Variants in DLG2 observed in about 807,000 individuals in gnomAD.
DLG2 encodes discs large MAGUK scaffold protein 2, also known as disks large homolog 2.
Under a neutral mutation model 132.5 loss-of-function variants are expected in DLG2, and 45 were observed. The ratio of observed to expected loss-of-function variants is 0.34; its 90% CI spans 0.27 to 0.44. The LOEUF (loss-of-function observed/expected upper bound fraction) is 0.44, where lower values mean the gene tolerates loss of function less well. DLG2 is among the 20% of genes least tolerant of loss of function. DLG2 has a pLI of 1.00. For missense variants in DLG2, 1,045 were observed against 1,196.9 expected (o/e 0.87, Z 1.87); for synonymous variants, 424 against 419.6 (o/e 1.01, Z -0.13).
intron 21 of DLG2, among the ~76,000 whole-genome samples, chr11:83,512,177 G>T (rs1390286711): frequency 6.6e-6 from 1 of 152,126 alleles, no homozygotes; most frequent in East Asian, 1.9e-4. Flanking sequence ...CAGAGGAAAG[G>T]CCTGCCCAAT....
At chr11:85,571,388 G>C (rs932890552) in intron 3 of DLG2, among the ~76,000 whole-genome samples, 1 of 151,960 alleles carries the variant, frequency 6.6e-6, no homozygotes, top group Non-Finnish European at 1.5e-5. Flanking sequence ...TTTGCTTAGT[G>C]ATCAGCTGAT....
rs144766892 is a variant in DLG2, at chr11:84,882,403, T to C, written c.357+229258A>G. 8.4e-3 allele frequency among the ~76,000 whole-genome samples: 1,273 copies of C among 152,104 alleles called. 26 individuals carry two copies. Among genetic ancestry groups the C allele is most frequent in the African/African-American group, 0.029 (1,190 of 41,504 alleles). On this transcript the variant is annotated intron_variant, in intron 6 of 27. Coordinates refer to ENST00000376104, the MANE Select transcript of DLG2 (RefSeq NM_001142699.3). ...GTTTGGGATTTTCTTTTTTCTCCCT[T>C]AAGAAGTAACAAAACAAGCCTTCTC...
chr11:83,469,735 G>A (rs1473780883), intron 24 of DLG2, among the ~76,000 whole-genome samples: 1 of 152,072 alleles, frequency 6.6e-6, no homozygotes, highest in Non-Finnish European at 1.5e-5. Flanking sequence ...AGAACCCATG[G>A]AGATCCCAGA....
intron 7 of DLG2, among the ~76,000 whole-genome samples, chr11:84,300,358 G>GA (rs35853248): frequency 2.7e-5 from 4 of 150,446 alleles, no homozygotes; most frequent in Admixed American, 6.6e-5. Flanking sequence ...ATATCAGGGT[G>GA]AAAAAAAAAG....
At chr11:85,308,592 G>T (rs968199919) in intron 3 of DLG2, among the ~76,000 whole-genome samples, 8 of 152,110 alleles carry the variant, frequency 5.3e-5, no homozygotes, top group Non-Finnish European at 1.0e-4. Flanking sequence ...ACTTCCTTTT[G>T]TCCTTTGGAC....
chr11:85,482,483 C>A (rs1264659273), intron 3 of DLG2, among the ~76,000 whole-genome samples: 1 of 152,208 alleles, frequency 6.6e-6, no homozygotes, highest in Non-Finnish European at 1.5e-5. Context: ...TCCCCACGAA[C>A]CCAGGCTCTA....
chr11:83,928,888 T>C (rs1033759996), intron 15 of DLG2, among the ~76,000 whole-genome samples: 4 of 152,174 alleles, frequency 2.6e-5, no homozygotes, highest in African/African-American at 4.8e-5. Flanking sequence ...ACATAATTAC[T>C]AGCAAGTCAT....
At chr11:83,647,244 G>A (rs2068486745) in intron 18 of DLG2, among the ~76,000 whole-genome samples, 1 of 151,022 alleles carries the variant, frequency 6.6e-6, no homozygotes, top group Non-Finnish European at 1.5e-5. Flanking sequence ...GGTTCTGGGA[G>A]TGAAGGGAGG....
chr11:85,031,080 T>A (rs1193202860), intron 6 of DLG2, among the ~76,000 whole-genome samples: 1 of 152,022 alleles, frequency 6.6e-6, no homozygotes, highest in East Asian at 1.9e-4. Context: ...ATTTCAGCTT[T>A]TTTTTATATA....
At chr11:85,150,010 ATTT>A (rs962380618) in intron 5 of DLG2, among the ~76,000 whole-genome samples, 40 of 112,302 alleles carry the variant, frequency 3.6e-4, no homozygotes, top group African/African-American at 1.4e-3. Context: ...TCAGTTTTTA[ATTT>A]TTTTTTTTTT....
intron 3 of DLG2, among the ~76,000 whole-genome samples, chr11:85,368,746 T>C (rs1412245137): frequency 6.6e-6 from 1 of 152,178 alleles, no homozygotes; most frequent in East Asian, 1.9e-4. Flanking sequence ...GTCACACCTG[T>C]TTCCCAAAGG....
intron 21 of DLG2, among the ~76,000 whole-genome samples, chr11:83,508,660 C>T (rs558376879): frequency 5.1e-4 from 78 of 152,186 alleles, no homozygotes; most frequent in Admixed American, 4.7e-3. Context: ...CTCCCCATAA[C>T]ACTATGACAT....
In DLG2 at chr11:85,390,383, T is replaced by C. The variant is rs140150455; in HGVS notation, c.41-105018A>G. On this transcript the variant is annotated intron_variant, in intron 3 of 27. Transcript: ENST00000376104. ...TTACTACTAGACCTAAGACCTAAGA[T>C]AGACAGAAACACAATAATAGTGGGG... Among the ~76,000 whole-genome samples, 20 of 152,198 alleles carry C rather than the reference T, an allele frequency of 1.3e-4. 2 individuals carry two copies. In the South Asian group the frequency reaches 3.9e-3, roughly 30 times the overall value.
intron 16 of DLG2, among the ~76,000 whole-genome samples, chr11:83,852,240 G>A (rs776327144): frequency 6.6e-6 from 1 of 152,180 alleles, no homozygotes; most frequent in Admixed American, 6.5e-5. Context: ...GGGGCTACGT[G>A]AGCCAATGCA....
intron 6 of DLG2, among the ~76,000 whole-genome samples, chr11:84,839,659 G>C (rs1449039016): frequency 2.0e-5 from 3 of 152,060 alleles, no homozygotes; most frequent in African/African-American, 4.8e-5. Flanking sequence ...TAGACCAATA[G>C]AACAGAACAG....
At chr11:85,593,198 T>C (rs1186170336) in intron 3 of DLG2, among the ~76,000 whole-genome samples, 5 of 152,050 alleles carry the variant, frequency 3.3e-5, no homozygotes, top group Non-Finnish European at 7.4e-5. Flanking sequence ...TTAAATCAGA[T>C]CCTATAAAAC....
chr11:84,839,122 G>C (rs942676837), intron 6 of DLG2, among the ~76,000 whole-genome samples: 1 of 152,076 alleles, frequency 6.6e-6, no homozygotes, highest in Non-Finnish European at 1.5e-5. Flanking sequence ...ATCTCCTTAA[G>C]CTGATAAACA....
chr11:83,848,165 A>G (rs997780730), intron 16 of DLG2, among the ~76,000 whole-genome samples: 118 of 143,894 alleles, frequency 8.2e-4, no homozygotes, highest in African/African-American at 3.0e-3. Context: ...TTGTAAGGAC[A>G]CTTATCTTAC....
chr11:84,884,955 C>G (rs906937083), intron 6 of DLG2, among the ~76,000 whole-genome samples: 1 of 152,116 alleles, frequency 6.6e-6, no homozygotes, highest in African/African-American at 2.4e-5. Flanking sequence ...TATAAACTAG[C>G]TGCCCATTAG....
Sources: gnomAD v4.1 joint callset for allele counts (sites outside exome capture counted in the v4.1 genomes callset) on GRCh38, gnomAD v4.1.1 for gene constraint, MANE v1.5 for transcripts, NCBI Gene and HGNC (gene_info 2026-07-23, HGNC 2026-07-21) for gene names.